PPP4R1: variants seen among roughly 807,000 people sequenced by gnomAD.
The protein encoded by PPP4R1 is serine/threonine-protein phosphatase 4 regulatory subunit 1.
PPP4R1 carries 42 observed loss-of-function variants against 111.2 expected under a neutral mutation model. The ratio of observed to expected loss-of-function variants is 0.38; its 90% confidence interval spans 0.29 to 0.49. PPP4R1 has a LOEUF of 0.49. PPP4R1 is among the 20% of genes least tolerant of loss of function. The pLI is 0.97. For synonymous variants in PPP4R1, 409 were observed against 405.5 expected (o/e 1.01, Z -0.10); for missense variants, 1,012 against 1,161.6 (o/e 0.87, Z 1.87).
intron 10 of PPP4R1, 37 bp downstream of exon 10, chr18:9,577,027 A>T: frequency 6.9e-7 from 1 of 1,454,744 alleles, no homozygotes; most frequent in East Asian, 2.3e-5. Context: ...ATTAGAAAAC[A>T]AGGTTTTAAA....
intron 13 of PPP4R1, among the ~76,000 whole-genome samples, chr18:9,561,439 C>T (rs905867129): frequency 2.0e-5 from 3 of 151,978 alleles, no homozygotes; most frequent in Admixed American, 2.0e-4. Flanking sequence ...TCCTGGTGTG[C>T]TCACAGGAGA....
chr18:9,567,972 G>A (rs2066796730), intron 11 of PPP4R1, among the ~76,000 whole-genome samples: 1 of 152,148 alleles, frequency 6.6e-6, no homozygotes, highest in African/African-American at 2.4e-5. Context: ...ATGAAGGTAT[G>A]TGCATTTTTT....
At chr18:9,549,559 A>C (rs1441659898) in intron 18 of PPP4R1, among the ~76,000 whole-genome samples, 1 of 152,226 alleles carries the variant, frequency 6.6e-6, no homozygotes, top group Non-Finnish European at 1.5e-5. Flanking sequence ...TAGAGTGTTC[A>C]TTCACAGGTG....
At chr18:9,606,265 G>A (rs2067480310) in intron 2 of PPP4R1, among the ~76,000 whole-genome samples, 1 of 152,130 alleles carries the variant, frequency 6.6e-6, no homozygotes, top group South Asian at 2.1e-4. Context: ...GAAGGGGTTG[G>A]CCAACTACAG....
At chr18:9,562,581 C>T (rs908228647) in intron 12 of PPP4R1, among the ~76,000 whole-genome samples, 2 of 152,298 alleles carry the variant, frequency 1.3e-5, no homozygotes, top group Admixed American at 1.3e-4. Flanking sequence ...ATAGTCAGGG[C>T]TTCAATCCAA....
intron 2 of PPP4R1, among the ~76,000 whole-genome samples, chr18:9,599,443 T>C (rs1014957676): frequency 2.6e-5 from 4 of 152,076 alleles, no homozygotes; most frequent in Non-Finnish European, 5.9e-5. Flanking sequence ...AAGGAAGAGA[T>C]GGGACAACAA....
intron 14 of PPP4R1, among the ~76,000 whole-genome samples, chr18:9,558,547 AC>A: frequency 6.6e-6 from 1 of 152,230 alleles, no homozygotes; most frequent in South Asian, 2.1e-4. Flanking sequence ...AGCTTTCCTA[AC>A]CTCATAGGTC....
At chr18:9,562,207 C>G (rs899480523) in intron 12 of PPP4R1, 132 bp from the exon 13 acceptor site, 2 of 650,846 alleles carry the variant, frequency 3.1e-6, no homozygotes, top group Non-Finnish European at 5.1e-6. Flanking sequence ...TTTTTAAAAG[C>G]TTATAAACAT....
At chr18:9,593,684 A>G (rs1024774765) in intron 4 of PPP4R1, 84 bp downstream of exon 4, 1 of 1,188,626 alleles carries the variant, frequency 8.4e-7, no homozygotes, top group Middle Eastern at 1.9e-4. Flanking sequence ...ATATCACATT[A>G]ACTTGTTCAT....
At chr18:9,605,779 T>C (rs1167909553) in intron 2 of PPP4R1, among the ~76,000 whole-genome samples, 1 of 152,132 alleles carries the variant, frequency 6.6e-6, no homozygotes, top group African/African-American at 2.4e-5. Context: ...CAATATGTAC[T>C]ACATACTATA....
chr18:9,573,529 G>A (rs534275758), intron 10 of PPP4R1, among the ~76,000 whole-genome samples: 15 of 152,310 alleles, frequency 9.8e-5, no homozygotes, highest in African/African-American at 3.1e-4. Context: ...AGGGGGAAGA[G>A]AAGAGCAAAT....
upstream of PPP4R1, chr18:9,617,066 C>T (rs1443506073): frequency 6.6e-6 from 1 of 152,170 alleles, no homozygotes; most frequent in Non-Finnish European, 1.5e-5. Context: ...ACTCTGTCCC[C>T]TTCTTCTAAG....
Position 9,595,094 on chromosome 18 carries a change from A to G in PPP4R1, c.112T>C (p.Phe38Leu). The G allele has an allele frequency of 6.2e-7, 1 of 1,613,968 alleles. No homozygotes were observed. The highest frequency in any genetic ancestry group is 8.5e-7 in the Non-Finnish European group (1 of 1,179,860). ...DVIIIPSALDFVSQDEMLTPL... is the reference protein window; with the variant it reads ...DVIIIPSALDLVSQDEMLTPL... ...GTCAACATTTCATCTTGTGAGACAA[A>G]GTCCAGGGCTGAAGGTATAATAATC... Residue 38 changes from phenylalanine (F) to leucine (L), a missense_variant, in exon 3 of 20, where the codon TTT becomes CTT. Transcript: ENST00000400556.
rs1012253638 is a variant in PPP4R1, at chr18:9,607,473, C to A, written c.52+6753G>T. 2.0e-5 allele frequency among the ~76,000 whole-genome samples: 3 copies of A among 151,504 alleles called. No homozygotes were observed. The East Asian group carries it at 5.8e-4, about 29-fold the overall frequency. On this transcript the variant is annotated intron_variant, in intron 2 of 19. Transcript: ENST00000400556. ...TGTCTTAAGTATCTGTAATATATAA[C>A]GAACTCTCAAAATTTAATAAGAAAA... is the stretch of plus-strand genomic sequence containing the variant.
chr18:9,550,542 TC>T, intron 16 of PPP4R1, 144 bp from the exon 17 acceptor site: 4 of 867,240 alleles, frequency 4.6e-6, no homozygotes, highest in Non-Finnish European at 7.0e-6. Context: ...AGCAGACCTC[TC>T]CTGTACAGTT....
chr18:9,593,067 T>C (rs1044723592), intron 4 of PPP4R1, among the ~76,000 whole-genome samples: 49 of 152,260 alleles, frequency 3.2e-4, no homozygotes, highest in African/African-American at 1.2e-3. Flanking sequence ...AAAATAGGGC[T>C]TGCTGAGATG....
intron 11 of PPP4R1, among the ~76,000 whole-genome samples, chr18:9,564,739 G>GTGTGTGTGTGTGTGT (rs1568094920): frequency 6.0e-3 from 105 of 17,372 alleles, no homozygotes; most frequent in Non-Finnish European, 0.015. Context: ...TGTGTGTGTG[G>GTGTGTGTGTGTGTGT]GGGTATCATC....
intron 2 of PPP4R1, among the ~76,000 whole-genome samples, chr18:9,613,235 C>T (rs1181422865): frequency 6.6e-6 from 1 of 152,192 alleles, no homozygotes; most frequent in Non-Finnish European, 1.5e-5. Context: ...GCACACTCTG[C>T]ATTTTTAAAA....
At chr18:9,575,717 G>A (rs1335422135) in intron 10 of PPP4R1, among the ~76,000 whole-genome samples, 2 of 152,178 alleles carry the variant, frequency 1.3e-5, no homozygotes, top group Non-Finnish European at 2.9e-5. Flanking sequence ...AAGTTTTACT[G>A]GAACACAGCC....
Sources: allele counts gnomAD v4.1 joint callset (sites outside exome capture counted in the v4.1 genomes callset), GRCh38; gene constraint gnomAD v4.1.1; transcripts MANE v1.5; gene names NCBI Gene and HGNC (gene_info 2026-07-23, HGNC 2026-07-21).